Variants in SPATA6 observed in about 807,000 individuals in gnomAD.
SPATA6 encodes the protein spermatogenesis associated 6, also known as spermatogenesis-associated protein 6.
A neutral mutation model predicts 65.3 loss-of-function variants in SPATA6; 56 were observed. That is an observed-to-expected ratio of 0.86 (90% confidence interval 0.69 to 1.07). The LOEUF (loss-of-function observed/expected upper bound fraction) is 1.07, where lower values mean the gene tolerates loss of function less well. Ranked by LOEUF, SPATA6 falls within the 50% of genes least tolerant of loss-of-function variation. The pLI is 0.00. For missense variants in SPATA6, 590 were observed against 594.8 expected (o/e 0.99, Z 0.08); for synonymous variants, 199 against 213.2 (o/e 0.93, Z 0.58).
chr1:48,368,274 T>C (rs1647099834), intron 9 of SPATA6, among the ~76,000 whole-genome samples: 1 of 152,098 alleles, frequency 6.6e-6, no homozygotes, highest in South Asian at 2.1e-4. Flanking sequence ...TTATGTGTCT[T>C]GGAGTTGCTC....
intron 11 of SPATA6, among the ~76,000 whole-genome samples, chr1:48,354,535 G>A (rs1208766476): frequency 6.6e-6 from 1 of 152,040 alleles, no homozygotes; most frequent in Non-Finnish European, 1.5e-5. Context: ...ACAATAAAAT[G>A]TATTGTATGA....
the SPATA6 span, among the ~76,000 whole-genome samples, chr1:48,261,526 T>A: frequency 6.6e-6 from 1 of 152,062 alleles, no homozygotes; most frequent in African/African-American, 2.4e-5. Flanking sequence ...CCAATTTAGA[T>A]TCTATGTAAA....
At chr1:48,329,284 G>A (rs1645848175) in intron 11 of SPATA6, among the ~76,000 whole-genome samples, 2 of 152,194 alleles carry the variant, frequency 1.3e-5, no homozygotes, top group Admixed American at 1.3e-4. Flanking sequence ...TAAAGCAGTG[G>A]CGTAGAGGGA....
chr1:48,357,536 T>C (rs1158148602), intron 10 of SPATA6, among the ~76,000 whole-genome samples: 2 of 152,178 alleles, frequency 1.3e-5, no homozygotes. Flanking sequence ...TAAACTCCTA[T>C]AACTGTATGT....
chr1:48,402,959 G>A (rs1651312312), intron 6 of SPATA6, among the ~76,000 whole-genome samples: 3 of 152,112 alleles, frequency 2.0e-5, no homozygotes, highest in Admixed American at 2.0e-4. Flanking sequence ...TGGGCAGATT[G>A]CTTGAGCTCC....
chr1:48,439,457 A>C (rs1655254579), intron 3 of SPATA6, among the ~76,000 whole-genome samples: 1 of 151,686 alleles, frequency 6.6e-6, no homozygotes, highest in Non-Finnish European at 1.5e-5. Flanking sequence ...TCCAGGGACC[A>C]TTGCAGGTTC....
intron 11 of SPATA6, among the ~76,000 whole-genome samples, chr1:48,350,810 G>T (rs1319680121): frequency 6.6e-6 from 1 of 151,874 alleles, no homozygotes; most frequent in Non-Finnish European, 1.5e-5. Context: ...TAGGCAGTGA[G>T]TCCTCCAGCT....
chr1:48,312,582 C>A (rs372861246), intron 11 of SPATA6, among the ~76,000 whole-genome samples: 2 of 152,292 alleles, frequency 1.3e-5, no homozygotes, highest in South Asian at 4.1e-4. Context: ...GCAGATACAA[C>A]CACAAAGATG....
intron 9 of SPATA6, among the ~76,000 whole-genome samples, chr1:48,380,194 T>C (rs1648398030): frequency 6.6e-6 from 1 of 152,266 alleles, no homozygotes; most frequent in African/African-American, 2.4e-5. Context: ...CACTCCTGGC[T>C]TCATGGCTCT....
At chr1:48,319,021 C>G (rs1645521964) in intron 11 of SPATA6, among the ~76,000 whole-genome samples, 4 of 152,166 alleles carry the variant, frequency 2.6e-5, no homozygotes, top group Admixed American at 2.0e-4. Context: ...AATGGGGGAG[C>G]AATCTTTTTA....
Position 48,399,590 on chromosome 1 carries a change from T to TAA in SPATA6, c.540_541insTT (p.Asn181LeufsTer22). 4 of 1,611,464 alleles carry TAA rather than the reference T, an allele frequency of 2.5e-6. No homozygotes were observed. Among genetic ancestry groups the TAA allele is most frequent in the Non-Finnish European group, 3.4e-6 (4 of 1,178,530 alleles). ...TTCTTTTGTGATCTTGATGTTCTGT[T>TAA]TTGCAGTCTGCCATGTGATTTTTCA... On this transcript the variant is annotated frameshift_variant, in exon 7 of 13. Transcript: ENST00000371847. LOFTEE classifies it high-confidence loss of function.
intron 7 of SPATA6, among the ~76,000 whole-genome samples, chr1:48,398,705 A>C (rs1424966428): frequency 6.6e-6 from 1 of 151,816 alleles, no homozygotes; most frequent in Non-Finnish European, 1.5e-5. Flanking sequence ...GTCCTTTCCT[A>C]AACATTCTGA....
the SPATA6 span, among the ~76,000 whole-genome samples, chr1:48,282,166 C>A: frequency 1.3e-5 from 2 of 152,178 alleles, no homozygotes; most frequent in African/African-American, 4.8e-5. Flanking sequence ...TTCCTTACAC[C>A]TTTTACAAAA....
At chr1:48,266,416 T>C in the SPATA6 span, among the ~76,000 whole-genome samples, 1 of 152,152 alleles carries the variant, frequency 6.6e-6, no homozygotes, top group African/African-American at 2.4e-5. Context: ...TAACCCAAAC[T>C]TGAGTTTTCT....
chr1:48,278,680 TG>T, the SPATA6 span, among the ~76,000 whole-genome samples: 8 of 152,242 alleles, frequency 5.3e-5, no homozygotes, highest in South Asian at 1.7e-3. Flanking sequence ...TATGGGACTA[TG>T]TGAAAAGACC....
intron 3 of SPATA6, among the ~76,000 whole-genome samples, chr1:48,446,466 A>G (rs2148132365): frequency 6.6e-6 from 1 of 152,344 alleles, no homozygotes; most frequent in Non-Finnish European, 1.5e-5. Flanking sequence ...GGGCTTCAGA[A>G]GCCTGGTGCT....
chr1:48,344,687 T>A (rs554002800), intron 11 of SPATA6, among the ~76,000 whole-genome samples: 1 of 152,212 alleles, frequency 6.6e-6, no homozygotes, highest in South Asian at 2.1e-4. Flanking sequence ...GAGAAAAATC[T>A]ACAAAGCAAA....
chr1:48,283,605 G>T, the SPATA6 span, among the ~76,000 whole-genome samples: 4 of 147,294 alleles, frequency 2.7e-5, no homozygotes. Context: ...CTTGAACCAG[G>T]GAGTCGGAGT....
At chr1:48,279,843 C>G in the SPATA6 span, among the ~76,000 whole-genome samples, 8 of 152,172 alleles carry the variant, frequency 5.3e-5, no homozygotes, top group Non-Finnish European at 8.8e-5. Flanking sequence ...TAATAGACAT[C>G]TAAAGAACTC....
Sources: gnomAD v4.1 joint callset for allele counts (sites outside exome capture counted in the v4.1 genomes callset) on GRCh38, gnomAD v4.1.1 for gene constraint, MANE v1.5 for transcripts, NCBI Gene and HGNC (gene_info 2026-07-23, HGNC 2026-07-21) for gene names.